The following GLS variants were observed in gnomAD, a reference collection of about 807,000 sequenced individuals.
GLS encodes the protein glutaminase, also known as glutaminase kidney isoform, mitochondrial.
Under a neutral mutation model 86.7 loss-of-function variants are expected in GLS, and 36 were observed. The ratio of observed to expected loss-of-function variants is 0.42; its 90% CI spans 0.32 to 0.55. GLS has a LOEUF of 0.55. GLS is among the 20% of genes least tolerant of loss of function. The probability of loss-of-function intolerance (pLI) is 0.17; values close to 1 mark genes in which losing one functional copy is unlikely to be tolerated. For missense variants in GLS, 528 were observed against 833.4 expected (o/e 0.63, Z 4.51); for synonymous variants, 317 against 305.9 (o/e 1.04, Z -0.38).
chr2:190,906,002 T>G (rs1404283564), intron 6 of GLS, among the ~76,000 whole-genome samples: 1 of 152,144 alleles, frequency 6.6e-6, no homozygotes, highest in African/African-American at 2.4e-5. Flanking sequence ...TTTATTAGTT[T>G]GTAAGATGAA....
At position 190,924,021 on chromosome 2, in the gene GLS, C is replaced by T. The variant is rs747767146; in HGVS notation, c.1197+38C>T. ...TTGTTTCTATTTCAAATTATTCTTT[C>T]ATTTAATAAAATACATGAAGATGTA... On this transcript the variant is annotated intron_variant, in intron 10 of 17. Transcript: ENST00000320717. The surrounding 1 kb of genome is among the most constrained non-coding windows in gnomAD (Gnocchi z 5.2). 1 of 1,009,688 alleles carries T rather than the reference C, an allele frequency of 9.9e-7. No individual in the cohort carries two copies. Among genetic ancestry groups the T allele is most frequent in the East Asian group, 2.4e-5 (1 of 41,226 alleles). 62.5% of individuals were successfully genotyped at this position (1,009,688 alleles called of 1,614,324 possible).
At chr2:190,883,900 G>A (rs1688289433) in intron 1 of GLS, among the ~76,000 whole-genome samples, 1 of 152,172 alleles carries the variant, frequency 6.6e-6, no homozygotes, top group South Asian at 2.1e-4. Flanking sequence ...CGTGATATAA[G>A]CAAGTTACTT....
At chr2:190,904,581 A>G (rs1362926369) in intron 5 of GLS, among the ~76,000 whole-genome samples, 1 of 152,146 alleles carries the variant, frequency 6.6e-6, no homozygotes, top group Non-Finnish European at 1.5e-5. Context: ...GAGCCAAAAA[A>G]GATGGATAGT....
In GLS at chr2:190,956,915, T is replaced by G. The variant is rs1197052352; in HGVS notation, c.1853+2097T>G. On this transcript the variant is annotated intron_variant, in intron 17 of 17. Transcript: ENST00000320717. The surrounding 1 kb of genome is among the most constrained non-coding windows in gnomAD (Gnocchi z 4.2). ...ATTTGGCTCTCTCTTTGTCTATTAT[T>G]GGTGTATAGGAATGCCTGTGATTTT... 6.6e-6 allele frequency among the ~76,000 whole-genome samples: 1 copy of G among 152,166 alleles called. No individual in the cohort carries two copies. The highest frequency in any genetic ancestry group is 2.1e-4 in the South Asian group (1 of 4,828).
chr2:190,931,654 T>C lies in GLS; in HGVS notation c.1650+17T>C, dbSNP rs140022651. 552 of 1,205,944 alleles carry C rather than the reference T, an allele frequency of 4.6e-4. 10 individuals are homozygous for C. In the East Asian group the frequency reaches 0.013, roughly 28 times the overall value. 74.7% of individuals were successfully genotyped at this position (1,205,944 alleles called of 1,614,324 possible). A position where few individuals can be genotyped will look rare whatever the true frequency, so the allele number is the denominator to read the frequency against. On this transcript the variant is annotated intron_variant, in intron 14 of 17. Coordinates refer to ENST00000320717, the MANE Select transcript of GLS (RefSeq NM_014905.5). The stretch of plus-strand genomic sequence containing the variant: ...GATCAAAGGGTAAGCAAAATTCTTA[T>C]TTAGATAAGTATATAAAATTTTTAA...
At chr2:190,911,922 A>G (rs1253805073) in intron 7 of GLS, among the ~76,000 whole-genome samples, 1 of 152,122 alleles carries the variant, frequency 6.6e-6, no homozygotes, top group Non-Finnish European at 1.5e-5. Flanking sequence ...TTATGTAAAT[A>G]ATTAATAGAA....
Position 190,895,439 on chromosome 2 carries a change from T to A in GLS, c.484-165T>A. Reference sequence around the variant, plus strand: ...CAGTGAAAGAAAAAGAAAGAAACAATGAGAAACTTGTCCAGAAAGTGGGTA... The same window carrying A: ...CAGTGAAAGAAAAAGAAAGAAACAAAGAGAAACTTGTCCAGAAAGTGGGTA... On this transcript the variant is annotated intron_variant, in intron 2 of 17. Transcript: ENST00000320717. The surrounding 1 kb of genome is among the most constrained non-coding windows in gnomAD (Gnocchi z 4.2). The A allele has an allele frequency of 1.8e-6, 1 of 570,304 alleles. No homozygotes were observed. Among genetic ancestry groups the A allele is most frequent in the East Asian group, 2.9e-5 (1 of 34,676 alleles). The allele number at this position is 570,304 out of a possible 1,614,324, so 35.3% of individuals were successfully genotyped here. A position where few individuals can be genotyped will look rare whatever the true frequency, so the allele number is the denominator to read the frequency against.
rs962882988 is a variant in GLS at position 190,913,091 on chromosome 2, A to C, written c.1038+2770A>C. ...AGGAATTTATCATGGTGCCATTAAAATCATTTTCTTCATGTTAATCCCCCC... is the reference window on the plus strand; with the variant it reads ...AGGAATTTATCATGGTGCCATTAAACTCATTTTCTTCATGTTAATCCCCCC... On this transcript the variant is annotated intron_variant, in intron 7 of 17. Coordinates refer to ENST00000320717, the MANE Select transcript of GLS (RefSeq NM_014905.5). This position sits in a 1 kb window ranked among gnomAD's most constrained non-coding sequence, Gnocchi z 6.1. The C allele has an allele frequency of 3.9e-6, 4 of 1,023,298 alleles. No homozygotes were observed. Among genetic ancestry groups the C allele is most frequent in the African/African-American group, 3.3e-5 (2 of 59,844 alleles). 63.4% of individuals were successfully genotyped at this position (1,023,298 alleles called of 1,614,324 possible). A position where few individuals can be genotyped will look rare whatever the true frequency, so the allele number is the denominator to read the frequency against.
intron 14 of GLS, among the ~76,000 whole-genome samples, chr2:190,937,431 C>T (rs1268285900): frequency 4.0e-5 from 6 of 151,276 alleles, no homozygotes; most frequent in Non-Finnish European, 8.9e-5. Context: ...ATTTATCCAA[C>T]ATGAAACAGC....
At position 190,921,451 on chromosome 2, in the gene GLS, CTTCTA is replaced by C. The variant is rs1689733478; in HGVS notation, c.1130+251_1130+255del. Among the ~76,000 whole-genome samples, 1 of 151,918 alleles carries C rather than the reference CTTCTA, an allele frequency of 6.6e-6. No homozygotes were observed. The highest frequency in any genetic ancestry group is 1.5e-5 in the Non-Finnish European group (1 of 67,830). On this transcript the variant is annotated intron_variant, in intron 9 of 17. Transcript: ENST00000320717. This position sits in a 1 kb window ranked among gnomAD's most constrained non-coding sequence, Gnocchi z 4.2. The stretch of plus-strand genomic sequence containing the variant: ...TGCTTGTAATACCTGTCTTACCTCT[CTTCTA>C]TTTCTGTTCCAGGCTATCTGGATTT...
At chr2:190,952,252 G>A (rs957118056) in intron 14 of GLS, among the ~76,000 whole-genome samples, 1 of 152,194 alleles carries the variant, frequency 6.6e-6, no homozygotes, top group African/African-American at 2.4e-5. Flanking sequence ...GGCTGGAAGG[G>A]AAGCTAAAGG....
At chr2:190,881,839 C>T (rs1688207951) in intron 1 of GLS, 1 of 197,722 alleles carries the variant, frequency 5.1e-6, no homozygotes, top group South Asian at 1.2e-4. Context: ...CCGCCCCAGC[C>T]ATTCGTGGGC....
At position 190,921,550 on chromosome 2, in the gene GLS, T is replaced by C. The variant is rs1689736518; in HGVS notation, c.1130+347T>C. On this transcript the variant is annotated intron_variant, in intron 9 of 17. Transcript: ENST00000320717. This position sits in a 1 kb window ranked among gnomAD's most constrained non-coding sequence, Gnocchi z 4.2. Reference sequence around the variant, plus strand: ...GTTGAAAAAATAAATATCTGGAATCTTTTACTTATATTTTCTAATATTTTG... The same window carrying C: ...GTTGAAAAAATAAATATCTGGAATCCTTTACTTATATTTTCTAATATTTTG... 6.6e-6 allele frequency among the ~76,000 whole-genome samples: 1 copy of C among 152,144 alleles called. No homozygotes were observed. The highest frequency in any genetic ancestry group is 2.1e-4 in the South Asian group (1 of 4,830).
Position 190,954,698 on chromosome 2 carries a change from AT to A in GLS, c.1789+41del. On this transcript the variant is annotated intron_variant, in intron 16 of 17. Coordinates refer to ENST00000320717, the MANE Select transcript of GLS (RefSeq NM_014905.5). This position sits in a 1 kb window ranked among gnomAD's most constrained non-coding sequence, Gnocchi z 4.0. ...CTACTCCTATCTATTTTCTTTCCAG[AT>A]TTAATTTCTACTTAGTACTAAAATC... 6.2e-7 allele frequency: 1 copy of A among 1,609,082 alleles called. No individual in the cohort carries two copies. Among genetic ancestry groups the A allele is most frequent in the Non-Finnish European group, 8.5e-7 (1 of 1,175,490 alleles).
At chr2:190,942,403 G>C (rs1188450867) in intron 14 of GLS, among the ~76,000 whole-genome samples, 1 of 152,084 alleles carries the variant, frequency 6.6e-6, no homozygotes, top group Non-Finnish European at 1.5e-5. Context: ...CTTTAAAAAA[G>C]GGGAGAGAAT....
rs1441247224 is a variant in GLS at position 190,897,419 on chromosome 2, C to A, written c.605+1694C>A. ...GAACTGCAAACATTAAATTTTCTGCCTGCAATTAAGAGATAGTAATTATTG... is the reference window on the plus strand; with the variant it reads ...GAACTGCAAACATTAAATTTTCTGCATGCAATTAAGAGATAGTAATTATTG... On this transcript the variant is annotated intron_variant, in intron 3 of 17. Transcript: ENST00000320717. The surrounding 1 kb of genome is among the most constrained non-coding windows in gnomAD (Gnocchi z 4.3). Among the ~76,000 whole-genome samples the A allele has an allele frequency of 1.3e-5, 2 of 152,160 alleles. No individual in the cohort carries two copies. The highest frequency in any genetic ancestry group is 4.8e-5 in the African/African-American group (2 of 41,428).
chr2:190,910,320 A>G lies in GLS; in HGVS notation c.1037A>G (p.Lys346Arg), dbSNP rs770047438. 4.6e-5 allele frequency: 71 copies of G among 1,554,886 alleles called. No individual in the cohort carries two copies. Among genetic ancestry groups the G allele is most frequent in the Non-Finnish European group, 6.0e-5 (68 of 1,132,292 alleles). ...AGAIVVTSLI[K>R]QGVNNAEKFD... is the part of the protein sequence containing the mutation. ...GCAATTGTTGTGACTTCACTAATAA[A>G]GGTAAAATGTTGATGTTTCATTTTA... The change falls in exon 7 of 18, where the codon AAG becomes AGG. Residue 346 changes from lysine (K) to arginine (R), a missense_variant and splice_region_variant. By Grantham distance (26) the Lys-to-Arg change is conservative. Transcript: ENST00000320717.
intron 7 of GLS, among the ~76,000 whole-genome samples, chr2:190,918,002 T>C (rs1289890098): frequency 6.6e-6 from 1 of 152,144 alleles, no homozygotes; most frequent in Non-Finnish European, 1.5e-5. Context: ...TGTAAACCGA[T>C]GTGGTCTTAT....
In GLS at chr2:190,880,895, CAG is replaced by C. The variant is rs1688117659; in HGVS notation, c.-189_-188del. The C allele has an allele frequency of 9.4e-6, 5 of 532,130 alleles. No individual in the cohort carries two copies. 33.0% of individuals were successfully genotyped at this position (532,130 alleles called of 1,614,324 possible). On this transcript the variant is annotated 5_prime_UTR_variant, in exon 1 of 18. Coordinates refer to ENST00000320717, the MANE Select transcript of GLS (RefSeq NM_014905.5). The stretch of plus-strand genomic sequence containing the variant: ...CGCGCAGCAGCAGCAGCAGCAGCAG[CAG>C]CAGCAGCAGCAGCAGCAGCAGCACC...
Sources: allele counts gnomAD v4.1 joint callset (sites outside exome capture counted in the v4.1 genomes callset), GRCh38; gene constraint gnomAD v4.1.1; non-coding constraint Gnocchi (gnomAD v3.1); transcripts MANE v1.5; gene names NCBI Gene and HGNC (gene_info 2026-07-23, HGNC 2026-07-21).